The following CNTN1 variants were observed in gnomAD, a reference collection of about 807,000 sequenced individuals.
CNTN1 encodes contactin-1.
Under a neutral mutation model 126.4 loss-of-function variants are expected in CNTN1, and 38 were observed. The ratio of observed to expected loss-of-function variants is 0.30; its 90% CI spans 0.23 to 0.39. The LOEUF (loss-of-function observed/expected upper bound fraction) is 0.39, where lower values mean the gene tolerates loss of function less well. Among genes scored for constraint, CNTN1 ranks in the 10% least tolerant of loss-of-function variants. The pLI is 1.00. For missense variants in CNTN1, 1,009 were observed against 1,248.4 expected, an observed-to-expected ratio of 0.81 and a Z score of 2.89; for synonymous variants, 413 against 422.6, an observed-to-expected ratio of 0.98 and a Z score of 0.28.
chr12:40,767,697 G>A (rs1311410575), intron 1 of CNTN1, among the ~76,000 whole-genome samples: 40 of 151,772 alleles, frequency 2.6e-4, no homozygotes, highest in African/African-American at 9.0e-4. Flanking sequence ...GCAGTGGAGC[G>A]ATCTCGGCTC....
chr12:40,883,960 C>T (rs774791200), intron 1 of CNTN1, among the ~76,000 whole-genome samples: 3 of 151,440 alleles, frequency 2.0e-5, no homozygotes, highest in Non-Finnish European at 3.0e-5. Flanking sequence ...TATCCTTTAT[C>T]ATAGGAAAAT....
chr12:40,761,584 A>C (rs1487358237), intron 1 of CNTN1, among the ~76,000 whole-genome samples: 2 of 152,086 alleles, frequency 1.3e-5, no homozygotes, highest in Non-Finnish European at 2.9e-5. Context: ...TTAAAAGGTA[A>C]GGTTTTTTTA....
intron 1 of CNTN1, among the ~76,000 whole-genome samples, chr12:40,812,885 A>C (rs769414393): frequency 6.7e-6 from 1 of 148,400 alleles, no homozygotes; most frequent in Non-Finnish European, 1.5e-5. Context: ...AGAGAATTTA[A>C]TCCATTTGCA....
At chr12:40,986,898 C>A (rs1252653038) in intron 16 of CNTN1, among the ~76,000 whole-genome samples, 1 of 152,168 alleles carries the variant, frequency 6.6e-6, no homozygotes, top group African/African-American at 2.4e-5. Flanking sequence ...CCAGCCTATA[C>A]TTTGTCTGTA....
intron 6 of CNTN1, among the ~76,000 whole-genome samples, chr12:40,927,696 A>C (rs2136899538): frequency 6.6e-6 from 1 of 152,236 alleles, no homozygotes. Context: ...CACAAATCCA[A>C]AGGCCACATC....
intron 1 of CNTN1, among the ~76,000 whole-genome samples, chr12:40,765,767 T>A (rs1176454989): frequency 6.6e-6 from 1 of 152,214 alleles, no homozygotes; most frequent in African/African-American, 2.4e-5. Context: ...TAAAACATTG[T>A]TTAATTCTGA....
intron 1 of CNTN1, among the ~76,000 whole-genome samples, chr12:40,847,151 C>T (rs1049420190): frequency 1.3e-5 from 2 of 152,138 alleles, no homozygotes; most frequent in African/African-American, 4.8e-5. Flanking sequence ...CAGGCGTGAG[C>T]GACTGTGCCT....
At chr12:40,888,659 G>T (rs1004174532) in intron 1 of CNTN1, among the ~76,000 whole-genome samples, 3 of 152,160 alleles carry the variant, frequency 2.0e-5, no homozygotes, top group Non-Finnish European at 2.9e-5. Flanking sequence ...CTTTTGCCAG[G>T]AATTAATCTT....
chr12:40,835,863 A>T (rs2136564964), intron 1 of CNTN1, among the ~76,000 whole-genome samples: 1 of 151,464 alleles, frequency 6.6e-6, no homozygotes, highest in South Asian at 2.1e-4. Flanking sequence ...TTCCTAAAGA[A>T]CCAGATGAGG....
chr12:41,043,092 A>T (rs1434838381), intron 23 of CNTN1, among the ~76,000 whole-genome samples: 3 of 152,232 alleles, frequency 2.0e-5, no homozygotes, highest in African/African-American at 7.2e-5. Flanking sequence ...AGGCATGGGC[A>T]AGGACTTCAT....
In CNTN1 at chr12:41,070,776, T is replaced by G. The variant is rs1950143659; in HGVS notation, c.*741T>G. 6.6e-6 allele frequency: 1 copy of G among 152,142 alleles called. No individual in the cohort carries two copies. The highest frequency in any genetic ancestry group is 2.1e-4 in the South Asian group (1 of 4,834). 9.4% of individuals were successfully genotyped at this position (152,142 alleles called of 1,614,324 possible). A position where few individuals can be genotyped will look rare whatever the true frequency, so the allele number is the denominator to read the frequency against. Reference sequence around the variant, plus strand: ...TTACTTTTATATTCTACTCTGAAGTTATTTTATGCTTTTCTTATCAATTTC... The same window carrying G: ...TTACTTTTATATTCTACTCTGAAGTGATTTTATGCTTTTCTTATCAATTTC... On this transcript the variant is annotated 3_prime_UTR_variant, in exon 24 of 24. Transcript: ENST00000551295.
At chr12:40,845,507 A>G (rs1942465209) in intron 1 of CNTN1, among the ~76,000 whole-genome samples, 1 of 152,208 alleles carries the variant, frequency 6.6e-6, no homozygotes, top group African/African-American at 2.4e-5. Context: ...GAACTATTAG[A>G]CTATTAAAAA....
chr12:41,042,127 G>A (rs532842997), intron 23 of CNTN1, among the ~76,000 whole-genome samples: 184 of 151,892 alleles, frequency 1.2e-3, no homozygotes, highest in Non-Finnish European at 1.7e-3. Context: ...CTTTGTTCTC[G>A]TTGGTTTCAA....
chr12:40,734,605 A>AT (rs949632832), intron 1 of CNTN1, among the ~76,000 whole-genome samples: 12 of 152,268 alleles, frequency 7.9e-5, no homozygotes, highest in African/African-American at 2.6e-4. Flanking sequence ...AATAGAAAAA[A>AT]TGATTTTACT....
At chr12:40,974,248 T>C (rs1340352197) in intron 15 of CNTN1, among the ~76,000 whole-genome samples, 1 of 152,096 alleles carries the variant, frequency 6.6e-6, no homozygotes, top group East Asian at 1.9e-4. Flanking sequence ...GGGAATGTAT[T>C]GAATATGAAT....
At chr12:41,044,313 T>C (rs1949492732) in intron 23 of CNTN1, among the ~76,000 whole-genome samples, 1 of 152,050 alleles carries the variant, frequency 6.6e-6, no homozygotes, top group African/African-American at 2.4e-5. Context: ...TTTATGATGC[T>C]GGGTAAATTG....
chr12:40,900,078 TGA>T, intron 1 of CNTN1, among the ~76,000 whole-genome samples: 1 of 152,198 alleles, frequency 6.6e-6, no homozygotes, highest in Admixed American at 6.5e-5. Context: ...AAATGGCTGC[TGA>T]GGAGAAAAAA....
intron 1 of CNTN1, among the ~76,000 whole-genome samples, chr12:40,798,005 G>A (rs1228449654): frequency 6.6e-6 from 1 of 151,950 alleles, no homozygotes; most frequent in Non-Finnish European, 1.5e-5. Flanking sequence ...ACATAAGTGG[G>A]TTAATGAGTC....
chr12:41,005,841 G>A (rs1439971633), intron 17 of CNTN1, among the ~76,000 whole-genome samples: 1 of 151,946 alleles, frequency 6.6e-6, no homozygotes, highest in Admixed American at 6.6e-5. Flanking sequence ...ATTATTTTTA[G>A]CTTCCTTACC....
Sources: allele counts gnomAD v4.1 joint callset (sites outside exome capture counted in the v4.1 genomes callset), GRCh38; gene constraint gnomAD v4.1.1; transcripts MANE v1.5; gene names NCBI Gene and HGNC (gene_info 2026-07-23, HGNC 2026-07-21).